TRAPPC9: variants seen among roughly 807,000 people sequenced by gnomAD.
TRAPPC9 encodes trafficking protein particle complex subunit 9, also known as IKK2 binding protein.
Under a neutral mutation model 124.0 loss-of-function variants are expected in TRAPPC9, and 83 were observed. The ratio of observed to expected loss-of-function variants is 0.67; its 90% CI spans 0.56 to 0.80. The LOEUF is 0.80. Ranked by LOEUF, TRAPPC9 falls within the 30% of genes least tolerant of loss-of-function variation. The pLI, the probability that TRAPPC9 is intolerant of heterozygous loss-of-function variation, is 0.00. For missense variants in TRAPPC9, 1,302 were observed against 1,508.3 expected, an observed-to-expected ratio of 0.86 and a Z score of 2.27; for synonymous variants, 638 against 617.5, an observed-to-expected ratio of 1.03 and a Z score of -0.49.
intron 15 of TRAPPC9, among the ~76,000 whole-genome samples, chr8:140,253,960 A>G (rs1300628973): frequency 6.6e-6 from 1 of 152,170 alleles, no homozygotes; most frequent in African/African-American, 2.4e-5. Flanking sequence ...ATAAAGTACT[A>G]TCTGTAAAAG....
At chr8:140,227,051 T>C (rs893199442) in intron 16 of TRAPPC9, among the ~76,000 whole-genome samples, 9 of 151,936 alleles carry the variant, frequency 5.9e-5, no homozygotes, top group African/African-American at 1.9e-4. Flanking sequence ...AAGAAGCATA[T>C]AAATTACAAA....
chr8:139,753,083 T>C (rs1373668457), intron 21 of TRAPPC9, among the ~76,000 whole-genome samples: 1 of 130,324 alleles, frequency 7.7e-6, no homozygotes, highest in East Asian at 2.8e-4. Context: ...TATCCATCCA[T>C]CCATCCATCC....
At position 139,997,859 on chromosome 8, in the gene TRAPPC9, AGAGACAATGCATCCCACACAGGG is replaced by A. The variant is rs1298209876; in HGVS notation, c.2700-9046_2700-9024del. On this transcript the variant is annotated intron_variant, in intron 18 of 22. Transcript: ENST00000438773. ...AGGGAGACAATGCATCCCACACAGG[AGAGACAATGCATCCCACACAGGG>A]GAGACAATGCATCCCACACAGGGGA... Among the ~76,000 whole-genome samples the A allele has an allele frequency of 7.8e-3, 141 of 18,004 alleles. 10 individuals are homozygous for A. Among genetic ancestry groups the A allele is most frequent in the Middle Eastern group, 0.038 (1 of 26 alleles). The allele number at this position is 18,004 out of a possible 152,430, so 11.8% of individuals were successfully genotyped here. A position where few individuals can be genotyped will look rare whatever the true frequency, so the allele number is the denominator to read the frequency against.
At chr8:140,285,979 C>T (rs2131728255) in intron 13 of TRAPPC9, among the ~76,000 whole-genome samples, 1 of 152,368 alleles carries the variant, frequency 6.6e-6, no homozygotes, top group East Asian at 1.9e-4. Flanking sequence ...CCAGGCTCCA[C>T]AATAGGCACG....
chr8:140,449,195 T>C (rs1457823013), intron 2 of TRAPPC9, among the ~76,000 whole-genome samples: 1 of 152,164 alleles, frequency 6.6e-6, no homozygotes, highest in East Asian at 1.9e-4. Flanking sequence ...CCGTGTGACC[T>C]TAGATAAATT....
At chr8:140,268,442 G>A (rs1356535930) in intron 15 of TRAPPC9, among the ~76,000 whole-genome samples, 1 of 152,220 alleles carries the variant, frequency 6.6e-6, no homozygotes, top group East Asian at 1.9e-4. Flanking sequence ...AATTCCACAT[G>A]TAAATGTACC....
chr8:140,036,739 G>T (rs1024789661), intron 17 of TRAPPC9, among the ~76,000 whole-genome samples: 2 of 152,224 alleles, frequency 1.3e-5, no homozygotes, highest in African/African-American at 4.8e-5. Flanking sequence ...CAGAGAGAGA[G>T]CAGGAGCCAG....
intron 17 of TRAPPC9, among the ~76,000 whole-genome samples, chr8:140,031,844 G>A (rs1053812505): frequency 1.3e-5 from 2 of 152,168 alleles, no homozygotes; most frequent in African/African-American, 2.4e-5. Flanking sequence ...CAGGAGTCCC[G>A]TGGTGGCTGA....
intron 7 of TRAPPC9, among the ~76,000 whole-genome samples, chr8:140,391,353 G>T (rs1171548213): frequency 6.6e-6 from 1 of 152,186 alleles, no homozygotes; most frequent in Non-Finnish European, 1.5e-5. Flanking sequence ...TTATTTTCTA[G>T]TTTTTCAAAC....
intron 21 of TRAPPC9, among the ~76,000 whole-genome samples, chr8:139,796,320 C>A (rs1233576825): frequency 1.3e-5 from 2 of 152,192 alleles, no homozygotes; most frequent in African/African-American, 2.4e-5. Context: ...TGATACTGGG[C>A]TCACCAGCAA....
At chr8:139,814,448 C>T (rs1824686596) in intron 21 of TRAPPC9, among the ~76,000 whole-genome samples, 2 of 152,162 alleles carry the variant, frequency 1.3e-5, no homozygotes, top group South Asian at 4.1e-4. Context: ...CAGGCAAGAG[C>T]AGGCCCAGGA....
chr8:139,861,068 C>G (rs1828109438), intron 21 of TRAPPC9, among the ~76,000 whole-genome samples: 1 of 152,238 alleles, frequency 6.6e-6, no homozygotes, highest in African/African-American at 2.4e-5. Context: ...GCGGGAAGAA[C>G]TGGGTTCCGT....
chr8:139,947,894 G>GTGTGTGTATATATATATATATATA (rs1554678277), intron 19 of TRAPPC9, among the ~76,000 whole-genome samples: 4 of 65,848 alleles, frequency 6.1e-5, no homozygotes, highest in African/African-American at 1.7e-4. Flanking sequence ...AAATATGTGT[G>GTGTGTGTATATATATATATATATA]TATATATATA....
At chr8:140,306,543 T>C (rs1007875498) in intron 10 of TRAPPC9, among the ~76,000 whole-genome samples, 1 of 149,030 alleles carries the variant, frequency 6.7e-6, no homozygotes, top group African/African-American at 2.5e-5. Context: ...GGACATCACA[T>C]CTGTCCTAAT....
At chr8:140,385,903 A>G (rs1212081567) in intron 7 of TRAPPC9, among the ~76,000 whole-genome samples, 2 of 152,240 alleles carry the variant, frequency 1.3e-5, no homozygotes, top group African/African-American at 2.4e-5. Context: ...ATGAACATCA[A>G]TGCAAAAATC....
chr8:140,376,860 C>T (rs1373549340), intron 7 of TRAPPC9, among the ~76,000 whole-genome samples: 2 of 129,618 alleles, frequency 1.5e-5, no homozygotes, highest in Non-Finnish European at 3.1e-5. Flanking sequence ...ACAACAAGAG[C>T]GAGGCTCCAT....
chr8:140,017,527 T>C (rs1046846829), intron 18 of TRAPPC9, among the ~76,000 whole-genome samples: 3 of 152,228 alleles, frequency 2.0e-5, no homozygotes, highest in Non-Finnish European at 2.9e-5. Flanking sequence ...AAAAATCAAC[T>C]GATGAGATAC....
At chr8:140,176,455 T>C (rs2062073705) in intron 17 of TRAPPC9, among the ~76,000 whole-genome samples, 1 of 152,204 alleles carries the variant, frequency 6.6e-6, no homozygotes. Flanking sequence ...CCACAGACAG[T>C]AACGTTTCTG....
In TRAPPC9 at chr8:140,055,951, C is replaced by T. The variant is rs1454579944; in HGVS notation, c.2557-31872G>A. 2.6e-5 allele frequency among the ~76,000 whole-genome samples: 4 copies of T among 151,934 alleles called. No individual in the cohort carries two copies. In the East Asian group the frequency reaches 7.7e-4, roughly 29 times the overall value. ...TCAAAGCAATCCACAGATGTAATCT[C>T]CATCTAAACAAAGGCTTTTTTTTAA... On this transcript the variant is annotated intron_variant, in intron 17 of 22. Coordinates refer to ENST00000438773, the MANE Select transcript of TRAPPC9 (RefSeq NM_001160372.4).
Sources: allele counts gnomAD v4.1 joint callset (sites outside exome capture counted in the v4.1 genomes callset), GRCh38; gene constraint gnomAD v4.1.1; transcripts MANE v1.5; gene names NCBI Gene and HGNC (gene_info 2026-07-23, HGNC 2026-07-21).